HNRNPA1L2: variants seen among roughly 807,000 people sequenced by gnomAD.
The protein encoded by HNRNPA1L2 is heterogeneous nuclear ribonucleoprotein A1 like 2.
Under a neutral mutation model 18.2 loss-of-function variants are expected in HNRNPA1L2, and 10 were observed. That is an observed-to-expected ratio of 0.55 (90% CI 0.34 to 0.93). The LOEUF is 0.93. Ranked by LOEUF, HNRNPA1L2 falls within the 40% of genes least tolerant of loss-of-function variation. The pLI, the probability that HNRNPA1L2 is intolerant of heterozygous loss-of-function variation, is 0.02. For synonymous variants in HNRNPA1L2, 124 were observed against 138.6 expected, an observed-to-expected ratio of 0.89 and a Z score of 0.74; for missense variants, 308 against 394.4, an observed-to-expected ratio of 0.78 and a Z score of 1.85.
At chr13:52,633,824 G>A in the HNRNPA1L2 span, among the ~76,000 whole-genome samples, 11,389 of 152,060 alleles carry the variant, frequency 0.075, 561 homozygotes, top group African/African-American at 0.14. Flanking sequence ...AGGGGAAAAA[G>A]AAAATGTTGT....
the HNRNPA1L2 span, among the ~76,000 whole-genome samples, chr13:52,631,820 T>C: frequency 6.6e-6 from 1 of 152,234 alleles, no homozygotes. Context: ...AAATGTTACC[T>C]GTTAACTCTG....
chr13:52,639,623 A>G (rs9536209), upstream of HNRNPA1L2, among the ~76,000 whole-genome samples: 9,094 of 148,032 alleles, frequency 0.061, 315 homozygotes, highest in African/African-American at 0.094. Flanking sequence ...AATTTTTAAC[A>G]GTTCTACAGT....
the HNRNPA1L2 span, among the ~76,000 whole-genome samples, chr13:52,626,188 G>A: frequency 2.0e-5 from 3 of 151,644 alleles, no homozygotes; most frequent in African/African-American, 7.3e-5. Context: ...AGGAATTTGG[G>A]AGCTTTAATT....
rs771183517 is a variant in HNRNPA1L2 at position 52,642,557 on chromosome 13, G to A, written c.65G>A (p.Ser22Asn). Residue 22 changes from serine (S) to asparagine (N), a missense_variant, in exon 1 of 1, where the codon AGC becomes AAC. By Grantham distance (46) the Ser-to-Asn change is conservative (BLOSUM62 1). Coordinates refer to ENST00000357495, the MANE Select transcript of HNRNPA1L2 (RefSeq NM_001389320.1). ...QLRKLFIGGLSFETTDESLRS... is the reference protein window; with the variant it reads ...QLRKLFIGGLNFETTDESLRS... Reference sequence around the variant, plus strand: ...AGGAAGCTCTTCATTGGAGGGTTGAGCTTTGAAACAACTGATGAGAGCCTG... The same window carrying A: ...AGGAAGCTCTTCATTGGAGGGTTGAACTTTGAAACAACTGATGAGAGCCTG... The A allele has an allele frequency of 1.9e-6, 3 of 1,611,832 alleles. No homozygotes were observed. Among genetic ancestry groups the A allele is most frequent in the East Asian group, 4.5e-5 (2 of 44,870 alleles).
At chr13:52,626,722 A>G in the HNRNPA1L2 span, among the ~76,000 whole-genome samples, 3 of 151,812 alleles carry the variant, frequency 2.0e-5, no homozygotes, top group East Asian at 1.9e-4. Context: ...TAAAATTTAC[A>G]TACATTAAAG....
At chr13:52,628,420 G>A in the HNRNPA1L2 span, among the ~76,000 whole-genome samples, 3 of 152,048 alleles carry the variant, frequency 2.0e-5, no homozygotes, top group East Asian at 1.9e-4. Context: ...TCCAGTCTGG[G>A]CGACAGCGAG....
At chr13:52,635,830 T>TG in the HNRNPA1L2 span, among the ~76,000 whole-genome samples, 2 of 133,132 alleles carry the variant, frequency 1.5e-5, no homozygotes, top group Non-Finnish European at 3.4e-5. Flanking sequence ...GCTGTATTAC[T>TG]GTTTTTTTTT....
chr13:52,619,209 G>A, the HNRNPA1L2 span, among the ~76,000 whole-genome samples: 1 of 151,940 alleles, frequency 6.6e-6, no homozygotes, highest in Admixed American at 6.6e-5. Flanking sequence ...TGTTGGCCAG[G>A]CTCCAACTCC....
At chr13:52,628,871 T>C in the HNRNPA1L2 span, among the ~76,000 whole-genome samples, 2 of 152,198 alleles carry the variant, frequency 1.3e-5, no homozygotes, top group African/African-American at 4.8e-5. Flanking sequence ...AGCTAAGGTT[T>C]CTTTATTTTT....
chr13:52,622,709 C>A, the HNRNPA1L2 span, among the ~76,000 whole-genome samples: 1 of 152,188 alleles, frequency 6.6e-6, no homozygotes, highest in South Asian at 2.1e-4. Flanking sequence ...TACAACTGCT[C>A]TGTATGACTT....
chr13:52,634,516 T>G, the HNRNPA1L2 span, among the ~76,000 whole-genome samples: 1 of 152,210 alleles, frequency 6.6e-6, no homozygotes, highest in Admixed American at 6.5e-5. Flanking sequence ...AGAATGTTTT[T>G]TGTTTCCAGT....
chr13:52,617,725 TC>T, the HNRNPA1L2 span: 1 of 434,036 alleles, frequency 2.3e-6, no homozygotes. Flanking sequence ...TCCTCGGGCA[TC>T]CCTGTGCCCC....
chr13:52,627,031 A>G, the HNRNPA1L2 span, among the ~76,000 whole-genome samples: 2 of 152,078 alleles, frequency 1.3e-5, no homozygotes, highest in African/African-American at 4.8e-5. Context: ...ATATCTGACA[A>G]TTTGTTTTTT....
chr13:52,619,650 G>T, the HNRNPA1L2 span, among the ~76,000 whole-genome samples: 4 of 151,904 alleles, frequency 2.6e-5, no homozygotes, highest in East Asian at 7.9e-4. Context: ...GGCTGGGCGT[G>T]GTGGCTCACG....
At chr13:52,617,854 GC>G in the HNRNPA1L2 span, among the ~76,000 whole-genome samples, 1 of 152,172 alleles carries the variant, frequency 6.6e-6, no homozygotes, top group East Asian at 1.9e-4. Flanking sequence ...AAGATGACTT[GC>G]CCAAGGAAAC....
rs769874171 is a variant in HNRNPA1L2, at chr13:52,642,631, A to C, written c.139A>C (p.Arg47=). 6.2e-6 allele frequency: 10 copies of C among 1,611,892 alleles called. No individual in the cohort carries two copies. Among genetic ancestry groups the C allele is most frequent in the Non-Finnish European group, 8.5e-6 (10 of 1,179,856 alleles). The change falls in exon 1 of 1, where the codon AGA becomes CGA. Residue 47 remains arginine, a synonymous_variant. Coordinates refer to ENST00000357495, the MANE Select transcript of HNRNPA1L2 (RefSeq NM_001389320.1). ...WGTLTDCVVM[R]DPNTKRSRGF... is the part of the protein sequence containing the mutation. ...AACGCTCACAGACTGTGTGGTAATGAGAGATCCAAACACCAAGCGCTCCAG... is the reference window on the plus strand; with the variant it reads ...AACGCTCACAGACTGTGTGGTAATGCGAGATCCAAACACCAAGCGCTCCAG...
At chr13:52,620,074 T>C in the HNRNPA1L2 span, among the ~76,000 whole-genome samples, 2 of 152,228 alleles carry the variant, frequency 1.3e-5, no homozygotes, top group Non-Finnish European at 2.9e-5. Context: ...TGATAGCCTC[T>C]GACGTTTTCA....
chr13:52,635,930 C>T, the HNRNPA1L2 span, among the ~76,000 whole-genome samples: 2 of 151,682 alleles, frequency 1.3e-5, no homozygotes, highest in African/African-American at 2.4e-5. Flanking sequence ...TCCTGGGTCC[C>T]GGTTGAAGCA....
At chr13:52,617,637 C>T in the HNRNPA1L2 span, 1 of 470,092 alleles carries the variant, frequency 2.1e-6, no homozygotes, top group Non-Finnish European at 3.9e-6. Flanking sequence ...CCGGAGACAT[C>T]AGCGGCTGCA....
Sources: allele counts gnomAD v4.1 joint callset (sites outside exome capture counted in the v4.1 genomes callset), GRCh38; gene constraint gnomAD v4.1.1; transcripts MANE v1.5; gene names NCBI Gene and HGNC (gene_info 2026-07-23, HGNC 2026-07-21).